Variants in TBC1D1 observed in about 807,000 individuals in gnomAD.
TBC1D1 encodes TBC1 domain family member 1.
In TBC1D1, 89 loss-of-function variants were observed where a neutral mutation model predicts 125.6. That is an observed-to-expected ratio of 0.71 (90% CI 0.60 to 0.85). The LOEUF (loss-of-function observed/expected upper bound fraction) is 0.85, where lower values mean the gene tolerates loss of function less well. Among genes scored for constraint, TBC1D1 ranks in the 40% least tolerant of loss-of-function variants. The pLI is 0.00. For synonymous variants in TBC1D1, 565 were observed against 564.1 expected (o/e 1.00, Z -0.02); for missense variants, 1,377 against 1,469.2 (o/e 0.94, Z 1.03).
intron 2 of TBC1D1, among the ~76,000 whole-genome samples, chr4:38,005,961 C>G (rs769198677): frequency 1.1e-4 from 16 of 151,938 alleles, no homozygotes; most frequent in Non-Finnish European, 1.6e-4. Context: ...TGTGTAGATA[C>G]TTTGCAAATT....
At chr4:37,916,807 G>C (rs1269286460) in intron 2 of TBC1D1, among the ~76,000 whole-genome samples, 1 of 152,114 alleles carries the variant, frequency 6.6e-6, no homozygotes, top group Admixed American at 6.5e-5. Flanking sequence ...GTCTCACTCT[G>C]TTGCCCAGGC....
At chr4:37,970,037 T>C (rs1441468959) in intron 2 of TBC1D1, among the ~76,000 whole-genome samples, 1 of 152,244 alleles carries the variant, frequency 6.6e-6, no homozygotes, top group Non-Finnish European at 1.5e-5. Flanking sequence ...TCAATTGGCA[T>C]AGTGCTTTCA....
At chr4:37,970,019 G>A (rs963068348) in intron 2 of TBC1D1, among the ~76,000 whole-genome samples, 1 of 152,118 alleles carries the variant, frequency 6.6e-6, no homozygotes, top group African/African-American at 2.4e-5. Context: ...TTTTGTAACT[G>A]GCTTATTTCA....
intron 2 of TBC1D1, among the ~76,000 whole-genome samples, chr4:37,937,283 A>G (rs1363467141): frequency 1.3e-5 from 2 of 152,198 alleles, no homozygotes; most frequent in Non-Finnish European, 2.9e-5. Flanking sequence ...GAGAGAGTGA[A>G]TATTTATCCC....
chr4:38,086,869 C>A (rs1475917591), intron 12 of TBC1D1, among the ~76,000 whole-genome samples: 1 of 152,136 alleles, frequency 6.6e-6, no homozygotes, highest in African/African-American at 2.4e-5. Context: ...TAGCAAGATC[C>A]CCAGTGAGGC....
chr4:37,960,126 GA>G (rs1303327237), intron 2 of TBC1D1, among the ~76,000 whole-genome samples: 1 of 152,086 alleles, frequency 6.6e-6, no homozygotes, highest in Non-Finnish European at 1.5e-5. Flanking sequence ...AGTGGTTTTT[GA>G]CCATTTAACA....
intron 8 of TBC1D1, among the ~76,000 whole-genome samples, chr4:38,041,855 A>C (rs1748444906): frequency 6.6e-6 from 1 of 152,200 alleles, no homozygotes; most frequent in African/African-American, 2.4e-5. Context: ...TAAGCTTCAA[A>C]GATGTCTGCA....
At chr4:38,038,466 G>A (rs570234772) in intron 8 of TBC1D1, among the ~76,000 whole-genome samples, 1 of 152,252 alleles carries the variant, frequency 6.6e-6, no homozygotes, top group East Asian at 1.9e-4. Context: ...CAAATTAGGT[G>A]ATATCAGTAC....
At chr4:38,006,634 A>G (rs958308194) in intron 2 of TBC1D1, 25 of 225,568 alleles carry the variant, frequency 1.1e-4, no homozygotes, top group Non-Finnish European at 1.9e-4. Context: ...ATGTGCCACC[A>G]CGCCCGGCTA....
chr4:38,018,282 TTTA>T, intron 3 of TBC1D1, 69 bp from the exon 4 acceptor site: 1 of 1,143,404 alleles, frequency 8.7e-7, no homozygotes, highest in Non-Finnish European at 1.3e-6. Flanking sequence ...GCTTGTCCCT[TTTA>T]TTCTTTATTT....
intron 2 of TBC1D1, among the ~76,000 whole-genome samples, chr4:37,986,782 T>G (rs1385145525): frequency 7.0e-6 from 1 of 142,244 alleles, no homozygotes; most frequent in African/African-American, 2.6e-5. Flanking sequence ...AAATTTCAGG[T>G]CAAGATGCCT....
chr4:37,994,639 G>GC (rs33937085), intron 2 of TBC1D1, among the ~76,000 whole-genome samples: 38,053 of 152,028 alleles, frequency 0.25, 4,890 homozygotes, highest in East Asian at 0.33. Context: ...TCTTCCCCCA[G>GC]CCTCTGTTCA....
At chr4:38,025,420 G>C (rs752568493) in intron 6 of TBC1D1, among the ~76,000 whole-genome samples, 3 of 152,238 alleles carry the variant, frequency 2.0e-5, no homozygotes, top group Non-Finnish European at 4.4e-5. Flanking sequence ...AATCCCTGGG[G>C]GAGGAACTCG....
chr4:38,078,207 C>G (rs532242666), intron 12 of TBC1D1, among the ~76,000 whole-genome samples: 18 of 152,264 alleles, frequency 1.2e-4, no homozygotes, highest in African/African-American at 4.3e-4. Context: ...CCTTCCCTCC[C>G]GCTTCAAAAA....
At chr4:37,895,920 G>A (rs1004869209) in intron 1 of TBC1D1, among the ~76,000 whole-genome samples, 5 of 152,170 alleles carry the variant, frequency 3.3e-5, no homozygotes, top group African/African-American at 1.2e-4. Context: ...CACTGCTCCC[G>A]TTGGGGTGGA....
chr4:38,012,025 C>T (rs1187980480), intron 2 of TBC1D1, among the ~76,000 whole-genome samples: 1 of 152,170 alleles, frequency 6.6e-6, no homozygotes, highest in Non-Finnish European at 1.5e-5. Context: ...CAGCAGAAGA[C>T]ACAGCATGTA....
At chr4:37,983,249 G>T (rs1344981355) in intron 2 of TBC1D1, among the ~76,000 whole-genome samples, 1 of 151,740 alleles carries the variant, frequency 6.6e-6, no homozygotes, top group Non-Finnish European at 1.5e-5. Context: ...CGAGTAGCTG[G>T]GATTACAGGC....
chr4:37,939,735 A>C (rs529928733), intron 2 of TBC1D1, among the ~76,000 whole-genome samples: 7 of 152,278 alleles, frequency 4.6e-5, no homozygotes, highest in South Asian at 2.1e-4. Context: ...TCAGCTTTCT[A>C]CATATGGCTA....
Position 38,002,686 on chromosome 4 carries a change from T to C in TBC1D1, c.418-11823T>C, listed in dbSNP as rs541771760. ...GACAGTAATCCTACTCTCTGGGAGC[T>C]GACCTTTATTTAGGTGTTTTGTGCT... On this transcript the variant is annotated intron_variant, in intron 2 of 19. Transcript: ENST00000261439. 2.0e-5 allele frequency among the ~76,000 whole-genome samples: 3 copies of C among 152,346 alleles called. No homozygotes were observed. In the East Asian group the frequency reaches 5.8e-4, roughly 29 times the overall value.
Sources: allele counts gnomAD v4.1 joint callset (sites outside exome capture counted in the v4.1 genomes callset), GRCh38; gene constraint gnomAD v4.1.1; transcripts MANE v1.5; gene names NCBI Gene and HGNC (gene_info 2026-07-23, HGNC 2026-07-21).